Variants in LDHD observed in about 807,000 individuals in gnomAD.
The protein encoded by LDHD is D-lactate dehydrogenase, mitochondrial.
LDHD carries 58 observed loss-of-function variants against 52.9 expected under a neutral mutation model. The observed-to-expected ratio is 1.10, with a 90% CI of 0.89 to 1.36. The LOEUF is 1.36. Ranked by LOEUF, LDHD falls within the 40% of genes most tolerant of loss-of-function variation. The pLI, the probability that LDHD is intolerant of heterozygous loss-of-function variation, is 0.00. For synonymous variants in LDHD, 350 were observed against 288.6 expected (o/e 1.21, Z -2.16); for missense variants, 747 against 668.0 (o/e 1.12, Z -1.30).
Position 75,115,136 on chromosome 16 carries a change from C to T in LDHD, c.327+62G>A. On this transcript the variant is annotated intron_variant, in intron 3 of 10. Transcript: ENST00000450168. Reference sequence around the variant, plus strand: ...GTGCCGTGTGTGGCGGGGGAGGCAGCCACAGGTGTGCCAAGGTGTGCTGGG... The same window carrying T: ...GTGCCGTGTGTGGCGGGGGAGGCAGTCACAGGTGTGCCAAGGTGTGCTGGG... 9 of 1,553,486 alleles carry T rather than the reference C, an allele frequency of 5.8e-6. No homozygotes were observed. In the South Asian group the frequency reaches 8.5e-5, roughly 15 times the overall value.
At chr16:75,115,124 C>T (rs1220501933) in intron 3 of LDHD, 74 bp downstream of exon 3, 3 of 1,549,884 alleles carry the variant, frequency 1.9e-6, no homozygotes, top group South Asian at 1.2e-5. Context: ...CCGTGTGTGG[C>T]GGGGGAGGCA....
intron 8 of LDHD, 152 bp from the exon 9 acceptor site, chr16:75,113,076 A>T: frequency 1.5e-6 from 1 of 645,442 alleles, no homozygotes; most frequent in Non-Finnish European, 2.8e-6. Flanking sequence ...CTCAGCCCTC[A>T]CCTCCCCCCG....
intron 1 of LDHD, 49 bp downstream of exon 1, chr16:75,116,600 C>T: frequency 6.6e-7 from 1 of 1,505,660 alleles, no homozygotes; most frequent in Non-Finnish European, 9.2e-7. Context: ...CCCCCTGCTC[C>T]CCGCTCCCCA....
chr16:75,114,195 C>T lies in LDHD; in HGVS notation c.630-30G>A, dbSNP rs139739338. On this transcript the variant is annotated intron_variant, in intron 5 of 10. Transcript: ENST00000450168. ...GTCCCAGGGACACACAAGGTGAGTA[C>T]CAGGCTGTGTGATGAGGGATTTCTG... 3.5e-4 allele frequency: 563 copies of T among 1,608,762 alleles called. 1 individual carries two copies. The highest frequency in any genetic ancestry group is 4.3e-4 in the Non-Finnish European group (504 of 1,179,356).
intron 9 of LDHD, 23 bp downstream of exon 9, chr16:75,112,811 C>T: frequency 6.2e-7 from 1 of 1,607,394 alleles, no homozygotes; most frequent in Non-Finnish European, 8.5e-7. Flanking sequence ...CCCACCTCTC[C>T]CCAGCAGCAG....
Position 75,114,956 on chromosome 16 carries a change from C to T in LDHD, c.340G>A (p.Val114Ile), listed in dbSNP as rs773409557. 3.1e-6 allele frequency: 5 copies of T among 1,611,532 alleles called. No individual in the cohort carries two copies. The highest frequency in any genetic ancestry group is 1.1e-5 in the South Asian group (1 of 90,808). Reference protein sequence around the residue: ...GVCAVQGGVCVNLTHMDRILE... With the variant: ...GVCAVQGGVCINLTHMDRILE... The stretch of plus-strand genomic sequence containing the variant: ...ATTCGGTCCATATGCGTCAGGTTAA[C>T]GCAGACGCCGCCCTGGTTGGGGCAG... Residue 114 changes from valine to isoleucine, a missense_variant, in exon 4 of 11, where the codon GTT becomes ATT. Physicochemically the swap from Val to Ile is conservative, Grantham distance 29. Transcript: ENST00000450168.
At position 75,112,638 on chromosome 16, in the gene LDHD, A is replaced by G; in HGVS notation, c.1253T>C (p.Leu418Pro). Reference protein sequence around the residue: ...LLVNPDDAEELGRVKAFAEQL... With the variant: ...LLVNPDDAEEPGRVKAFAEQL... The stretch of plus-strand genomic sequence containing the variant: ...TTCTGCAAAAGCCTTGACCCTGCCC[A>G]GTTCCTCGGCGTCATCAGGGTTGAC... The change falls in exon 10 of 11, where the codon CTG becomes CCG. Residue 418 changes from leucine (L) to proline (P), a missense_variant. Coordinates refer to ENST00000450168, the MANE Select transcript of LDHD (RefSeq NM_194436.3). 1 of 1,614,090 alleles carries G rather than the reference A, an allele frequency of 6.2e-7. No individual in the cohort carries two copies. The highest frequency in any genetic ancestry group is 2.2e-5 in the East Asian group (1 of 44,870).
rs1227556823 is a variant in LDHD at position 75,112,840 on chromosome 16, G to C, written c.1171C>G (p.Leu391Val). Residue 391 changes from leucine (L) to valine (V), a missense_variant, in exon 9 of 11, where the codon CTC becomes GTC. Coordinates refer to ENST00000450168, the MANE Select transcript of LDHD (RefSeq NM_194436.3). ...GCAGCAGGGTGGGCAGAACCTGTGA[G>C]TCCTGAGGCATTCAGATCCTCCTTG... Reference protein sequence around the residue: ...QTKEDLNASGLTGSIVGHVGD... With the variant: ...QTKEDLNASGVTGSIVGHVGD... 6.2e-7 allele frequency: 1 copy of C among 1,613,076 alleles called. No individual in the cohort carries two copies. Among genetic ancestry groups the C allele is most frequent in the African/African-American group, 1.3e-5 (1 of 74,910 alleles).
rs1383975519 is a variant in LDHD, at chr16:75,113,663, C to A, written c.959-1G>T. The A allele has an allele frequency of 3.1e-6, 5 of 1,613,266 alleles. No individual in the cohort carries two copies. The highest frequency in any genetic ancestry group is 4.2e-6 in the Non-Finnish European group (5 of 1,179,946). ...GCTCCGTTCTGCTGGACTATCTCCT[C>A]TGCAGTTGGGGAAGGGGGGCTGACA... On this transcript the variant is annotated splice_acceptor_variant, in intron 7 of 10. Transcript: ENST00000450168. LOFTEE classifies it high-confidence loss of function.
chr16:75,114,220 GGCCAGAA>G (rs1298723834), intron 5 of LDHD, 55 bp from the exon 6 acceptor site: 1 of 1,599,240 alleles, frequency 6.3e-7, no homozygotes, highest in Admixed American at 1.7e-5. Flanking sequence ...AGGGATTTCT[GGCCAGAA>G]GCCGAAGCTG....
At chr16:75,112,999 G>A (rs2036443113) in intron 8 of LDHD, 75 bp from the exon 9 acceptor site, 4 of 1,062,298 alleles carry the variant, frequency 3.8e-6, no homozygotes, top group African/African-American at 1.6e-5. Flanking sequence ...GGCTGAGGAT[G>A]GGTCGGAGGG....
Position 75,115,659 on chromosome 16 carries a change from C to G in LDHD, c.74G>C (p.Gly25Ala), listed in dbSNP as rs910510715. Residue 25 changes from glycine to alanine, a missense_variant and splice_region_variant, in exon 2 of 11, where the codon GGA (glycine) becomes GCA (alanine). By Grantham distance (60) the Gly-to-Ala change is moderately conservative (BLOSUM62 0). Coordinates refer to ENST00000450168, the MANE Select transcript of LDHD (RefSeq NM_194436.3). ...CTCTACGAAGTCCCTGCAGAGCTCT[C>G]CCTGCAGGGAAGAAACACACTGCCA... Reference protein sequence around the residue: ...WRGYCSQKAKGELCRDFVEAL... With the variant: ...WRGYCSQKAKAELCRDFVEAL... 1.9e-6 allele frequency: 3 copies of G among 1,593,212 alleles called. No individual in the cohort carries two copies. The highest frequency in any genetic ancestry group is 3.4e-5 in the Admixed American group (2 of 58,598).
At chr16:75,116,124 C>A (rs746803109) in intron 1 of LDHD, among the ~76,000 whole-genome samples, 22 of 152,156 alleles carry the variant, frequency 1.4e-4, no homozygotes, top group Non-Finnish European at 2.8e-4. Flanking sequence ...GCCTGAGCAA[C>A]CGAAAAGATC....
chr16:75,112,220 G>T lies in LDHD; in HGVS notation c.*136C>A. On this transcript the variant is annotated 3_prime_UTR_variant, in exon 11 of 11. Coordinates refer to ENST00000450168, the MANE Select transcript of LDHD (RefSeq NM_194436.3). ...GCTTCTCTCTGGGCCCTCTGGCCTT[G>T]GGCCCAGATACAGTGGGCTCGCTGG... The T allele has an allele frequency of 9.5e-7, 1 of 1,055,252 alleles. No homozygotes were observed. Among genetic ancestry groups the T allele is most frequent in the Non-Finnish European group, 1.4e-6 (1 of 735,206 alleles). The allele number at this position is 1,055,252 out of a possible 1,614,324, so 65.4% of individuals were successfully genotyped here.
chr16:75,113,059 T>C (rs1293777155), intron 8 of LDHD, 135 bp from the exon 9 acceptor site: 1 of 677,196 alleles, frequency 1.5e-6, no homozygotes, highest in African/African-American at 1.8e-5. Context: ...CCTGCTCTTC[T>C]CTAGGCCTCA....
intron 8 of LDHD, among the ~76,000 whole-genome samples, 166 bp from the exon 9 acceptor site, chr16:75,113,090 C>T (rs189476508): frequency 3.3e-4 from 50 of 152,248 alleles, no homozygotes; most frequent in African/African-American, 1.2e-3. Flanking sequence ...CCCCCCGACA[C>T]AACACAGGAG....
At position 75,112,589 on chromosome 16, in the gene LDHD, G is replaced by A; in HGVS notation, c.1289+13C>T. On this transcript the variant is annotated intron_variant, in intron 10 of 10. Transcript: ENST00000450168. ...CTGCCCTCAGCTCTTCCCCTCCCTG[G>A]CTTTGCTCCTACCTGCCCAGCTGTT... 6.2e-7 allele frequency: 1 copy of A among 1,613,860 alleles called. No individual in the cohort carries two copies. Among genetic ancestry groups the A allele is most frequent in the East Asian group, 2.2e-5 (1 of 44,874 alleles).
At chr16:75,115,745 G>T in intron 1 of LDHD, 85 bp from the exon 2 acceptor site, 1 of 820,248 alleles carries the variant, frequency 1.2e-6, no homozygotes, top group Non-Finnish European at 1.9e-6. Context: ...GAGGGCTGGG[G>T]GCTGGAGGCT....
In LDHD at chr16:75,113,423, C is replaced by T. The variant is rs534645333; in HGVS notation, c.1086+112G>A. The T allele has an allele frequency of 1.1e-4, 144 of 1,336,182 alleles. No individual in the cohort carries two copies. The Admixed American group carries it at 3.3e-3, about 31-fold the overall frequency. 82.8% of individuals were successfully genotyped at this position (1,336,182 alleles called of 1,614,324 possible). A position where few individuals can be genotyped will look rare whatever the true frequency, so the allele number is the denominator to read the frequency against. Reference sequence around the variant, plus strand: ...GTTTCTAGCGCCTGCTCAGCCAGGCCCAGCCCCGTTGTTGAGGCTCAGCCT... The same window carrying T: ...GTTTCTAGCGCCTGCTCAGCCAGGCTCAGCCCCGTTGTTGAGGCTCAGCCT... On this transcript the variant is annotated intron_variant, in intron 8 of 10. Transcript: ENST00000450168.
Sources: allele counts gnomAD v4.1 joint callset (sites outside exome capture counted in the v4.1 genomes callset), GRCh38; gene constraint gnomAD v4.1.1; transcripts MANE v1.5; gene names NCBI Gene and HGNC (gene_info 2026-07-23, HGNC 2026-07-21).